Variants in MPP2 observed in about 807,000 individuals in gnomAD.
MPP2 encodes the protein MAGUK p55 subfamily member 2.
A neutral mutation model predicts 58.5 loss-of-function variants in MPP2; 42 were observed. That is an observed-to-expected ratio of 0.72 (90% CI 0.56 to 0.93). The LOEUF (loss-of-function observed/expected upper bound fraction) is 0.93. MPP2 is among the 40% of genes least tolerant of loss of function. The pLI is 0.00. For synonymous variants in MPP2, 300 were observed against 307.8 expected, an observed-to-expected ratio of 0.97 and a Z score of 0.26; for missense variants, 632 against 760.4, an observed-to-expected ratio of 0.83 and a Z score of 1.99.
intron 3 of MPP2, among the ~76,000 whole-genome samples, chr17:43,884,899 T>G (rs912654628): frequency 1.3e-5 from 2 of 152,210 alleles, no homozygotes; most frequent in Admixed American, 6.5e-5. Context: ...GCAGGTGGAT[T>G]ACCTGAGGTC....
At chr17:43,885,734 G>A (rs2047338285) in intron 3 of MPP2, among the ~76,000 whole-genome samples, 1 of 152,210 alleles carries the variant, frequency 6.6e-6, no homozygotes, top group Non-Finnish European at 1.5e-5. Flanking sequence ...GCCGGGAAGG[G>A]TAGTAGGGGC....
chr17:43,876,669 GCA>G lies in MPP2; in HGVS notation c.*1136_*1137del, dbSNP rs2046848438. On this transcript the variant is annotated 3_prime_UTR_variant, in exon 13 of 13. Transcript: ENST00000269095. Reference sequence around the variant, plus strand: ...CACACACACACACGCACGTGCACACGCACACACATACACACAACCTGGTGCCA... The same window carrying G: ...CACACACACACACGCACGTGCACACGCACACATACACACAACCTGGTGCCA... The G allele has an allele frequency of 2.9e-5, 1 of 34,608 alleles. No individual in the cohort carries two copies. Among genetic ancestry groups the G allele is most frequent in the Non-Finnish European group, 1.7e-4 (1 of 5,936 alleles). 2.1% of individuals were successfully genotyped at this position (34,608 alleles called of 1,614,324 possible).
intron 3 of MPP2, among the ~76,000 whole-genome samples, chr17:43,895,403 C>T (rs762803813): frequency 3.3e-5 from 5 of 152,192 alleles, no homozygotes; most frequent in Non-Finnish European, 5.9e-5. Context: ...TAAGCCACAC[C>T]GTGCCGTGTG....
chr17:43,900,693 G>A (rs1299751144), intron 2 of MPP2: 4 of 1,373,096 alleles, frequency 2.9e-6, no homozygotes, highest in Admixed American at 2.9e-5. Flanking sequence ...AGGCTCAGCC[G>A]CCGTGACCGC....
intron 8 of MPP2, 41 bp downstream of exon 8, chr17:43,881,203 G>A (rs2047100057): frequency 1.2e-6 from 2 of 1,613,538 alleles, no homozygotes; most frequent in African/African-American, 1.3e-5. Context: ...GGGCCCTGTT[G>A]GATCCCAGAT....
intron 3 of MPP2, among the ~76,000 whole-genome samples, chr17:43,894,499 C>G (rs1567895885): frequency 6.9e-6 from 1 of 145,018 alleles, no homozygotes; most frequent in East Asian, 2.0e-4. Flanking sequence ...TGCCTGTAGT[C>G]CCAGCTACTC....
chr17:43,907,684 C>T (rs2048347986), upstream of MPP2: 2 of 985,500 alleles, frequency 2.0e-6, no homozygotes, highest in African/African-American at 3.5e-5. Flanking sequence ...CGGGGGCAGC[C>T]AGGTAGTGGT....
chr17:43,908,010 A>G (rs1220658459), upstream of MPP2: 2 of 979,694 alleles, frequency 2.0e-6, no homozygotes, highest in Non-Finnish European at 2.4e-6. Context: ...GATCAGGGGC[A>G]GCTTTTTAAG....
intron 5 of MPP2, 130 bp downstream of exon 5, chr17:43,882,773 A>T (rs124720): frequency 7.3e-7 from 1 of 1,376,346 alleles, no homozygotes; most frequent in Non-Finnish European, 1.0e-6. Flanking sequence ...TTGCTGCATC[A>T]ATCCTTCCCT....
chr17:43,884,046 CT>C (rs761253282), intron 3 of MPP2: 122 of 695,836 alleles, frequency 1.8e-4, no homozygotes, highest in Non-Finnish European at 3.0e-4. Flanking sequence ...CCCTCTGAAT[CT>C]TTGAAAGATC....
chr17:43,904,937 AG>A (rs2048231877), intron 1 of MPP2, among the ~76,000 whole-genome samples: 1 of 152,176 alleles, frequency 6.6e-6, no homozygotes, highest in Non-Finnish European at 1.5e-5. Flanking sequence ...GCACTTTAGG[AG>A]GCTGAGGCAG....
Position 43,879,187 on chromosome 17 carries a change from A to G in MPP2, c.1482+88T>C. Reference sequence around the variant, plus strand: ...GAGCAGGCCCCTGTCCCTCCCCAACACCACCTCCTTCTCTCTGTCAGCTCA... The same window carrying G: ...GAGCAGGCCCCTGTCCCTCCCCAACGCCACCTCCTTCTCTCTGTCAGCTCA... On this transcript the variant is annotated intron_variant, in intron 12 of 12. Transcript: ENST00000269095. This position sits in a 1 kb window ranked among gnomAD's most constrained non-coding sequence, Gnocchi z 4.1. 6.7e-7 allele frequency: 1 copy of G among 1,498,720 alleles called. No individual in the cohort carries two copies. The highest frequency in any genetic ancestry group is 9.0e-7 in the Non-Finnish European group (1 of 1,105,062). 92.8% of individuals were successfully genotyped at this position (1,498,720 alleles called of 1,614,324 possible). A position where few individuals can be genotyped will look rare whatever the true frequency, so the allele number is the denominator to read the frequency against.
At position 43,876,244 on chromosome 17, in the gene MPP2, C is replaced by A. The variant is rs1430869396; in HGVS notation, c.*1563G>T. ...TGGTTCAGGGGCCAGCTTTGGCTGA[C>A]GCTGCAGCGAAGACTAGTTAGACAC... On this transcript the variant is annotated 3_prime_UTR_variant, in exon 13 of 13. Coordinates refer to ENST00000269095, the MANE Select transcript of MPP2 (RefSeq NM_005374.5). 1 of 152,582 alleles carries A rather than the reference C, an allele frequency of 6.6e-6. No homozygotes were observed. Among genetic ancestry groups the A allele is most frequent in the African/African-American group, 2.4e-5 (1 of 41,402 alleles). The allele number at this position is 152,582 out of a possible 1,614,324, so 9.5% of individuals were successfully genotyped here. A position where few individuals can be genotyped will look rare whatever the true frequency, so the allele number is the denominator to read the frequency against.
chr17:43,898,205 C>G (rs932788449), intron 3 of MPP2, 57 bp downstream of exon 3: 3 of 1,312,258 alleles, frequency 2.3e-6, no homozygotes, highest in Non-Finnish European at 3.3e-6. Flanking sequence ...TACCCCATCC[C>G]CTACTGTGCC....
chr17:43,893,824 G>A (rs2047705327), intron 3 of MPP2, among the ~76,000 whole-genome samples: 2 of 152,138 alleles, frequency 1.3e-5, no homozygotes, highest in African/African-American at 4.8e-5. Context: ...AAAAAGGTTG[G>A]GGACTGCTGT....
At position 43,877,727 on chromosome 17, in the gene MPP2, A is replaced by AG; in HGVS notation, c.*79dup. 8.1e-7 allele frequency: 1 copy of AG among 1,233,022 alleles called. No individual in the cohort carries two copies. The highest frequency in any genetic ancestry group is 1.3e-5 in the South Asian group (1 of 75,402). The allele number at this position is 1,233,022 out of a possible 1,614,324, so 76.4% of individuals were successfully genotyped here. ...AGATATGGGGGCTAAGGATTGTGGC[A>AG]GGGGGTCACAGGTCAGGAGGGGGAT... On this transcript the variant is annotated 3_prime_UTR_variant, in exon 13 of 13. Coordinates refer to ENST00000269095, the MANE Select transcript of MPP2 (RefSeq NM_005374.5).
intron 2 of MPP2, chr17:43,900,756 T>G (rs974567820): frequency 3.8e-6 from 2 of 528,006 alleles, no homozygotes; most frequent in African/African-American, 4.1e-5. Flanking sequence ...GAGCAGGCGG[T>G]AACCCGGGTG....
At position 43,877,707 on chromosome 17, in the gene MPP2, T is replaced by G. The variant is rs1012562043; in HGVS notation, c.*100A>C. On this transcript the variant is annotated 3_prime_UTR_variant, in exon 13 of 13. Transcript: ENST00000269095. ...GCTGTTACCCAAGGACAGCCAGATA[T>G]GGGGGCTAAGGATTGTGGCAGGGGG... 3.8e-6 allele frequency: 4 copies of G among 1,052,952 alleles called. No individual in the cohort carries two copies. The highest frequency in any genetic ancestry group is 5.7e-6 in the Non-Finnish European group (4 of 703,250). The allele number at this position is 1,052,952 out of a possible 1,614,324, so 65.2% of individuals were successfully genotyped here. A position where few individuals can be genotyped will look rare whatever the true frequency, so the allele number is the denominator to read the frequency against.
Position 43,906,206 on chromosome 17 carries a change from C to T in MPP2, c.-34+1268G>A, listed in dbSNP as rs947462064. On this transcript the variant is annotated intron_variant, in intron 1 of 12. Transcript: ENST00000269095. Reference sequence around the variant, plus strand: ...GAGGATCCTGTATGAAATCCCTGCGCTCGGAAGTCTTGCCCAGCCTGCCTG... The same window carrying T: ...GAGGATCCTGTATGAAATCCCTGCGTTCGGAAGTCTTGCCCAGCCTGCCTG... 5.5e-6 allele frequency: 5 copies of T among 907,674 alleles called. No individual in the cohort carries two copies. The African/African-American group carries it at 9.1e-5, about 16-fold the overall frequency. 56.2% of individuals were successfully genotyped at this position (907,674 alleles called of 1,614,324 possible). A position where few individuals can be genotyped will look rare whatever the true frequency, so the allele number is the denominator to read the frequency against.
Sources: allele counts gnomAD v4.1 joint callset (sites outside exome capture counted in the v4.1 genomes callset), GRCh38; gene constraint gnomAD v4.1.1; non-coding constraint Gnocchi (gnomAD v3.1); transcripts MANE v1.5; gene names NCBI Gene and HGNC (gene_info 2026-07-23, HGNC 2026-07-21).